The following PRICKLE2 variants were observed in gnomAD, a reference collection of about 807,000 sequenced individuals.
PRICKLE2 encodes the protein prickle-like protein 2.
PRICKLE2 carries 21 observed loss-of-function variants against 81.4 expected under a neutral mutation model. The ratio of observed to expected loss-of-function variants is 0.26; its 90% CI spans 0.18 to 0.37. The LOEUF (loss-of-function observed/expected upper bound fraction) is 0.37, where lower values mean the gene tolerates loss of function less well. Among genes scored for constraint, PRICKLE2 ranks in the 10% least tolerant of loss-of-function variants. PRICKLE2 has a pLI of 1.00. For missense variants in PRICKLE2, 940 were observed against 1,109.0 expected (o/e 0.85, Z 2.16); for synonymous variants, 456 against 421.5 (o/e 1.08, Z -1.00).
intron 7 of PRICKLE2, among the ~76,000 whole-genome samples, chr3:64,144,717 C>T (rs2082319073): frequency 6.6e-6 from 1 of 152,206 alleles, no homozygotes; most frequent in Non-Finnish European, 1.5e-5. Context: ...TTTTCAATCC[C>T]TTGTGGACCG....
intron 7 of PRICKLE2, among the ~76,000 whole-genome samples, chr3:64,120,600 A>G (rs2077009640): frequency 6.6e-6 from 1 of 152,184 alleles, no homozygotes; most frequent in Admixed American, 6.5e-5. Flanking sequence ...ACTAAGTCTG[A>G]GATTCTGAAT....
At chr3:64,125,222 T>G (rs992590854) in intron 7 of PRICKLE2, among the ~76,000 whole-genome samples, 1 of 151,992 alleles carries the variant, frequency 6.6e-6, no homozygotes, top group Non-Finnish European at 1.5e-5. Flanking sequence ...GATGAATTGT[T>G]GCTTTTTATG....
intron 2 of PRICKLE2, among the ~76,000 whole-genome samples, chr3:64,179,680 C>G (rs1465978413): frequency 2.0e-5 from 3 of 152,032 alleles, no homozygotes; most frequent in African/African-American, 4.8e-5. Context: ...TTTCAGGGTA[C>G]AAGTAAAGTC....
intron 7 of PRICKLE2, among the ~76,000 whole-genome samples, chr3:64,114,086 C>T (rs2076895586): frequency 6.6e-6 from 1 of 152,126 alleles, no homozygotes; most frequent in Admixed American, 6.5e-5. Context: ...AGAGCACAGT[C>T]TAGCAGTTGG....
chr3:64,163,186 C>A (rs2077762897), intron 2 of PRICKLE2, 57 bp from the exon 3 acceptor site: 1 of 1,015,300 alleles, frequency 9.8e-7, no homozygotes, highest in Non-Finnish European at 1.6e-6. Context: ...TGTGCCTATT[C>A]CCACTTACTG....
intron 1 of PRICKLE2, among the ~76,000 whole-genome samples, chr3:64,214,016 G>A (rs1436626917): frequency 6.6e-6 from 1 of 152,146 alleles, no homozygotes; most frequent in Non-Finnish European, 1.5e-5. Flanking sequence ...TTAAGTGGCT[G>A]CTTATTAATA....
chr3:64,221,420 T>TACAC (rs71808412), intron 1 of PRICKLE2, among the ~76,000 whole-genome samples: 3,791 of 143,868 alleles, frequency 0.026, 70 homozygotes, highest in East Asian at 0.05. Context: ...GCTTGATTCA[T>TACAC]ACACACACAC....
At chr3:64,243,097 G>T (rs1444207766) in intron 2 of PRICKLE2, among the ~76,000 whole-genome samples, 3 of 152,166 alleles carry the variant, frequency 2.0e-5, no homozygotes, top group South Asian at 2.1e-4. Flanking sequence ...CATGTACTGA[G>T]AGTGGGAATA....
chr3:64,220,779 T>A (rs1266812980), intron 1 of PRICKLE2, among the ~76,000 whole-genome samples: 3 of 152,138 alleles, frequency 2.0e-5, no homozygotes, highest in Non-Finnish European at 4.4e-5. Context: ...GGTTTCATCT[T>A]CCAAGTCAAC....
rs576732553 is a variant in PRICKLE2, at chr3:64,154,596, A to T, written c.601-1228T>A. On this transcript the variant is annotated intron_variant, in intron 5 of 7. Transcript: ENST00000638394. ...GGTTTAAAGAGCTAGGGGCAAAAAA[A>T]CAATAAAACGCTTAGAAGAAAACAC... 2.0e-5 allele frequency: 3 copies of T among 152,226 alleles called. No individual in the cohort carries two copies. The South Asian group carries it at 6.2e-4, about 32-fold the overall frequency. 9.4% of individuals were successfully genotyped at this position (152,226 alleles called of 1,614,324 possible). A position where few individuals can be genotyped will look rare whatever the true frequency, so the allele number is the denominator to read the frequency against.
At chr3:64,227,587 A>G (rs2079047488), upstream of PRICKLE2, among the ~76,000 whole-genome samples, 1 of 152,204 alleles carries the variant, frequency 6.6e-6, no homozygotes, top group African/African-American at 2.4e-5. Context: ...AATTAACATC[A>G]TAACATGGAG....
intron 2 of PRICKLE2, chr3:64,163,408 T>C (rs534674713): frequency 2.1e-6 from 1 of 485,070 alleles, no homozygotes; most frequent in African/African-American, 2.0e-5. Context: ...TCAGCAGACA[T>C]GCTGGTGAAC....
At chr3:64,119,811 G>A (rs2076997230) in intron 7 of PRICKLE2, among the ~76,000 whole-genome samples, 1 of 152,182 alleles carries the variant, frequency 6.6e-6, no homozygotes, top group Non-Finnish European at 1.5e-5. Flanking sequence ...CAACCTAGAT[G>A]CTCATCAATG....
chr3:64,253,617 C>T (rs998775841), intron 2 of PRICKLE2, among the ~76,000 whole-genome samples: 13 of 152,144 alleles, frequency 8.5e-5, no homozygotes, highest in African/African-American at 2.9e-4. Flanking sequence ...AGAATACCTT[C>T]GACATGCCTT....
chr3:64,243,279 A>G (rs1418307531), intron 2 of PRICKLE2, among the ~76,000 whole-genome samples: 2 of 152,206 alleles, frequency 1.3e-5, no homozygotes, highest in Non-Finnish European at 2.9e-5. Flanking sequence ...AATTCATGCC[A>G]ATTTCTTTGT....
intron 2 of PRICKLE2, among the ~76,000 whole-genome samples, chr3:64,264,768 A>T (rs2079672526): frequency 6.6e-6 from 1 of 152,224 alleles, no homozygotes; most frequent in South Asian, 2.1e-4. Flanking sequence ...TTAAAGAAAA[A>T]GTAGTAAGAA....
intron 7 of PRICKLE2, chr3:64,102,022 T>G (rs898805525): frequency 6.6e-6 from 1 of 152,208 alleles, no homozygotes; most frequent in Non-Finnish European, 1.5e-5. Flanking sequence ...TTATGTAGTA[T>G]TCCAGTCAAG....
chr3:64,265,838 A>G (rs1020732620), intron 2 of PRICKLE2, among the ~76,000 whole-genome samples: 8 of 152,216 alleles, frequency 5.3e-5, no homozygotes, highest in Admixed American at 6.5e-5. Flanking sequence ...TCTTGGGAAA[A>G]GAAGCCAAGA....
rs749257911 is a variant in PRICKLE2, at chr3:64,146,864, G to T, written c.1626C>A (p.Gly542=). Residue 542 remains glycine, a synonymous_variant, in exon 7 of 8, where the codon GGC becomes GGA. Transcript: ENST00000638394. ...TAGACAGGGCCAGGGATTCCATGGA[G>T]CCCCGAGGGGTCTGCTCTGTGGGCG... ...DMTPTEQTPR[G]SMESLALSNA... 1 of 1,614,158 alleles carries T rather than the reference G, an allele frequency of 6.2e-7. No individual in the cohort carries two copies. The highest frequency in any genetic ancestry group is 8.5e-7 in the Non-Finnish European group (1 of 1,180,022).
Sources: allele counts gnomAD v4.1 joint callset (sites outside exome capture counted in the v4.1 genomes callset), GRCh38; gene constraint gnomAD v4.1.1; transcripts MANE v1.5; gene names NCBI Gene and HGNC (gene_info 2026-07-23, HGNC 2026-07-21).